Variants in IGSF11 observed in about 807,000 individuals in gnomAD.
IGSF11 encodes CXADR like 1.
Under a neutral mutation model 41.0 loss-of-function variants are expected in IGSF11, and 22 were observed. That is an observed-to-expected ratio of 0.54 (90% CI 0.38 to 0.77). The LOEUF is 0.77. Ranked by LOEUF, IGSF11 falls within the 30% of genes least tolerant of loss-of-function variation. The pLI is 0.00. For missense variants in IGSF11, 444 were observed against 530.8 expected (o/e 0.84, Z 1.61); for synonymous variants, 219 against 201.3 (o/e 1.09, Z -0.74).
intron 1 of IGSF11, among the ~76,000 whole-genome samples, chr3:119,042,574 C>G (rs1406559202): frequency 6.6e-6 from 1 of 152,116 alleles, no homozygotes. Context: ...ACTCCATTGG[C>G]CTGGGAACCA....
chr3:119,107,463 G>C (rs1267588013), upstream of IGSF11, among the ~76,000 whole-genome samples: 1 of 152,232 alleles, frequency 6.6e-6, no homozygotes, highest in Non-Finnish European at 1.5e-5. Context: ...ATTTGTTTGA[G>C]TTCATTGTAG....
At chr3:118,928,469 G>A (rs368869876) in intron 3 of IGSF11, 40 bp downstream of exon 3, 48 of 1,526,184 alleles carry the variant, frequency 3.1e-5, no homozygotes, top group Non-Finnish European at 4.0e-5. Flanking sequence ...GTAGCTTCGT[G>A]AGTAAAGCCC....
intron 1 of IGSF11, among the ~76,000 whole-genome samples, chr3:119,084,170 A>G (rs2076632806): frequency 6.6e-6 from 1 of 152,170 alleles, no homozygotes; most frequent in South Asian, 2.1e-4. Flanking sequence ...AGAGAAAGAC[A>G]AGGATTTTGT....
intron 1 of IGSF11, among the ~76,000 whole-genome samples, chr3:119,055,179 C>T (rs958291417): frequency 2.0e-5 from 3 of 152,204 alleles, no homozygotes; most frequent in Admixed American, 1.3e-4. Flanking sequence ...CCCATCTGTA[C>T]ATCACCATCA....
chr3:118,973,959 G>A (rs76866446), intron 1 of IGSF11, among the ~76,000 whole-genome samples: 3,895 of 152,162 alleles, frequency 0.026, 140 homozygotes, highest in African/African-American at 0.088. Flanking sequence ...CAGAGGGGCC[G>A]GGGGAAGGAG....
chr3:119,129,447 A>G (rs1470529813), intron 1 of IGSF11, among the ~76,000 whole-genome samples: 1 of 152,208 alleles, frequency 6.6e-6, no homozygotes, highest in Non-Finnish European at 1.5e-5. Flanking sequence ...AAAAATCATT[A>G]CTAAAATATG....
At chr3:119,117,565 G>T (rs957631443) in intron 1 of IGSF11, among the ~76,000 whole-genome samples, 36 of 152,152 alleles carry the variant, frequency 2.4e-4, no homozygotes, top group African/African-American at 8.0e-4. Context: ...TTCAAGATGA[G>T]ATTTGGGTGG....
At chr3:119,002,484 C>T (rs1017768888) in intron 1 of IGSF11, among the ~76,000 whole-genome samples, 10 of 129,958 alleles carry the variant, frequency 7.7e-5, no homozygotes, top group Non-Finnish European at 1.5e-4. Flanking sequence ...TAATTAGGTC[C>T]CATTTGTCAA....
intron 1 of IGSF11, among the ~76,000 whole-genome samples, chr3:118,942,194 T>C (rs2107560289): frequency 6.6e-6 from 1 of 152,320 alleles, no homozygotes; most frequent in African/African-American, 2.4e-5. Flanking sequence ...CACAGAATCA[T>C]GGAAATGGCT....
intron 1 of IGSF11, among the ~76,000 whole-genome samples, chr3:118,950,464 G>T (rs1944490589): frequency 6.6e-6 from 1 of 151,918 alleles, no homozygotes; most frequent in Non-Finnish European, 1.5e-5. Context: ...AAATTCCTAA[G>T]GTAATATGCC....
chr3:118,931,332 C>A (rs1339270320), intron 1 of IGSF11, among the ~76,000 whole-genome samples: 1 of 152,126 alleles, frequency 6.6e-6, no homozygotes, highest in East Asian at 1.9e-4. Flanking sequence ...AAATGTATGT[C>A]CACACAACGA....
intron 1 of IGSF11, among the ~76,000 whole-genome samples, chr3:119,086,666 A>G (rs979305849): frequency 6.6e-6 from 1 of 152,200 alleles, no homozygotes; most frequent in African/African-American, 2.4e-5. Context: ...CCACCAAACT[A>G]AACTTCATGA....
intron 1 of IGSF11, among the ~76,000 whole-genome samples, chr3:118,939,678 T>A (rs181730449): frequency 2.6e-5 from 4 of 152,082 alleles, no homozygotes; most frequent in Non-Finnish European, 5.9e-5. Flanking sequence ...ACACAACTTA[T>A]CAAAATTTAT....
At position 118,930,293 on chromosome 3, in the gene IGSF11, G is replaced by A. The variant is rs1464955889; in HGVS notation, c.53-18C>T. 1.2e-6 allele frequency: 2 copies of A among 1,604,392 alleles called. No homozygotes were observed. The highest frequency in any genetic ancestry group is 1.7e-6 in the Non-Finnish European group (2 of 1,175,744). On this transcript the variant is annotated intron_variant, in intron 1 of 6. Transcript: ENST00000393775. ...TGCAACACCTACAGAAGAAGGAACA[G>A]GGAGGTTATATGCTCGCCCTTTCCC... is the stretch of plus-strand genomic sequence containing the variant.
At chr3:118,996,126 G>T (rs1331644602) in intron 1 of IGSF11, among the ~76,000 whole-genome samples, 2 of 152,214 alleles carry the variant, frequency 1.3e-5, no homozygotes, top group Admixed American at 1.3e-4. Flanking sequence ...TGACTCGGTT[G>T]ATAAAATGGA....
At chr3:119,123,885 A>T (rs1343983928) in intron 1 of IGSF11, among the ~76,000 whole-genome samples, 1 of 152,234 alleles carries the variant, frequency 6.6e-6, no homozygotes, top group East Asian at 1.9e-4. Context: ...CTTTCTGAAA[A>T]GGATGGGTAC....
intron 1 of IGSF11, among the ~76,000 whole-genome samples, chr3:119,118,491 G>A (rs1377419907): frequency 6.6e-6 from 1 of 152,216 alleles, no homozygotes; most frequent in African/African-American, 2.4e-5. Context: ...ACACAGCACA[G>A]GAACCTTGGG....
At chr3:118,991,685 C>T (rs979219421) in intron 1 of IGSF11, among the ~76,000 whole-genome samples, 6 of 152,166 alleles carry the variant, frequency 3.9e-5, no homozygotes, top group Admixed American at 3.3e-4. Flanking sequence ...AAGATAAATG[C>T]TCACGTATAA....
chr3:118,982,632 A>G (rs1171047384), intron 1 of IGSF11, among the ~76,000 whole-genome samples: 1 of 152,122 alleles, frequency 6.6e-6, no homozygotes, highest in African/African-American at 2.4e-5. Context: ...TCCTTTTTTA[A>G]CCTTGTTTCT....
Sources: gnomAD v4.1 joint callset for allele counts (sites outside exome capture counted in the v4.1 genomes callset) on GRCh38, gnomAD v4.1.1 for gene constraint, MANE v1.5 for transcripts, NCBI Gene and HGNC (gene_info 2026-07-23, HGNC 2026-07-21) for gene names.